The following MOB3B variants were observed in gnomAD, a reference collection of about 807,000 sequenced individuals.
MOB3B encodes the protein MOB kinase activator-like 2B.
MOB3B carries 7 observed loss-of-function variants against 18.7 expected under a neutral mutation model. That is an observed-to-expected ratio of 0.37 (90% CI 0.21 to 0.70). The LOEUF (loss-of-function observed/expected upper bound fraction) is 0.70, where lower values mean the gene tolerates loss of function less well. Ranked by LOEUF, MOB3B falls within the 30% of genes least tolerant of loss-of-function variation. The pLI is 0.52. For synonymous variants in MOB3B, 111 were observed against 99.9 expected (o/e 1.11, Z -0.66); for missense variants, 253 against 281.3 (o/e 0.90, Z 0.72).
intron 1 of MOB3B, among the ~76,000 whole-genome samples, chr9:27,465,778 G>A (rs1389202770): frequency 6.6e-6 from 1 of 152,176 alleles, no homozygotes; most frequent in Non-Finnish European, 1.5e-5. Flanking sequence ...CCAAGGCCTG[G>A]GGCTTCCACC....
intron 2 of MOB3B, among the ~76,000 whole-genome samples, chr9:27,420,537 T>C (rs1399052045): frequency 8.1e-6 from 1 of 123,790 alleles, no homozygotes; most frequent in Non-Finnish European, 1.7e-5. Flanking sequence ...ATATATTCCA[T>C]CTGTATATTC....
chr9:27,366,548 A>T lies in MOB3B; in HGVS notation c.419-7312T>A, dbSNP rs180702586. Among the ~76,000 whole-genome samples the T allele has an allele frequency of 2.0e-5, 3 of 152,096 alleles. No homozygotes were observed. The East Asian group carries it at 5.8e-4, about 29-fold the overall frequency. ...TGTTATGGAGGCCAAAAAAGGAAAA[A>T]CTCCTTTAGAATATGCAGAAATGCT... is the stretch of plus-strand genomic sequence containing the variant. On this transcript the variant is annotated intron_variant, in intron 2 of 3. Coordinates refer to ENST00000262244, the MANE Select transcript of MOB3B (RefSeq NM_024761.5).
intron 1 of MOB3B, among the ~76,000 whole-genome samples, chr9:27,491,080 T>C (rs1819810041): frequency 6.6e-6 from 1 of 151,974 alleles, no homozygotes; most frequent in African/African-American, 2.4e-5. Flanking sequence ...TCTCATACTT[T>C]AAAAAAATCC....
intron 2 of MOB3B, among the ~76,000 whole-genome samples, chr9:27,400,307 T>C (rs1024847162): frequency 1.3e-5 from 2 of 152,204 alleles, no homozygotes; most frequent in Non-Finnish European, 2.9e-5. Flanking sequence ...GGCCTCAACC[T>C]ACCCTTATTC....
At chr9:27,417,847 G>A (rs1344028299) in intron 2 of MOB3B, among the ~76,000 whole-genome samples, 1 of 152,072 alleles carries the variant, frequency 6.6e-6, no homozygotes, top group Non-Finnish European at 1.5e-5. Context: ...TGGATCACAA[G>A]GCCAAGAGAT....
chr9:27,377,905 G>T (rs1821515175), intron 2 of MOB3B, among the ~76,000 whole-genome samples: 1 of 152,212 alleles, frequency 6.6e-6, no homozygotes, highest in Admixed American at 6.5e-5. Context: ...GGGTTGAAGG[G>T]CAGGGTGATG....
intron 2 of MOB3B, among the ~76,000 whole-genome samples, chr9:27,426,326 C>T (rs4879485): frequency 0.59 from 88,951 of 152,016 alleles, 26,616 homozygotes; most frequent in African/African-American, 0.67. Flanking sequence ...AGGGGTTATA[C>T]GTTTTGTTTT....
chr9:27,348,703 G>A (rs920627435), intron 3 of MOB3B, among the ~76,000 whole-genome samples: 1 of 152,006 alleles, frequency 6.6e-6, no homozygotes, highest in African/African-American at 2.4e-5. Flanking sequence ...TTTTCCTTTA[G>A]TGTGGGCTGG....
At chr9:27,483,125 CTT>C (rs71492747) in intron 1 of MOB3B, among the ~76,000 whole-genome samples, 34 of 68,586 alleles carry the variant, frequency 5.0e-4, no homozygotes, top group African/African-American at 2.1e-3. Flanking sequence ...ATATACGGTA[CTT>C]TTTTTTTTTT....
At chr9:27,397,284 G>A (rs1384536869) in intron 2 of MOB3B, 4 of 150,556 alleles carry the variant, frequency 2.7e-5, no homozygotes, top group Non-Finnish European at 5.9e-5. Context: ...ACGATTATGA[G>A]TTTTACAGAA....
chr9:27,335,756 T>C (rs1308325443), intron 3 of MOB3B, among the ~76,000 whole-genome samples: 5 of 152,178 alleles, frequency 3.3e-5, no homozygotes, highest in Admixed American at 1.3e-4. Context: ...TAGGGACACA[T>C]TCTTCTACCC....
chr9:27,388,539 T>G (rs1191910948), intron 2 of MOB3B, among the ~76,000 whole-genome samples: 3 of 152,146 alleles, frequency 2.0e-5, no homozygotes, highest in Admixed American at 1.3e-4. Context: ...AGCAGTGATT[T>G]CTGAGATTTT....
intron 3 of MOB3B, among the ~76,000 whole-genome samples, chr9:27,340,279 C>T (rs958500982): frequency 3.3e-5 from 5 of 152,202 alleles, no homozygotes; most frequent in African/African-American, 7.2e-5. Flanking sequence ...CACACACACT[C>T]GCCACCCACG....
At chr9:27,361,523 T>A (rs1330454152) in intron 2 of MOB3B, among the ~76,000 whole-genome samples, 1 of 152,218 alleles carries the variant, frequency 6.6e-6, no homozygotes, top group Non-Finnish European at 1.5e-5. Context: ...AACGAGAGTA[T>A]GTTAGCTTTC....
chr9:27,517,398 T>A (rs1457162828), intron 1 of MOB3B, among the ~76,000 whole-genome samples: 2 of 152,116 alleles, frequency 1.3e-5, no homozygotes, highest in Admixed American at 1.3e-4. Context: ...ACACCTGTAA[T>A]TCCAGCACTT....
At chr9:27,424,798 T>C (rs552950073) in intron 2 of MOB3B, among the ~76,000 whole-genome samples, 1 of 152,266 alleles carries the variant, frequency 6.6e-6, no homozygotes, top group African/African-American at 2.4e-5. Context: ...TTGCCACAGA[T>C]TAGAACACAA....
chr9:27,360,613 A>G (rs930366830), intron 2 of MOB3B, among the ~76,000 whole-genome samples: 4 of 152,218 alleles, frequency 2.6e-5, no homozygotes, highest in Non-Finnish European at 4.4e-5. Flanking sequence ...TGCACGGCAC[A>G]TGCCCCAAGT....
At chr9:27,392,555 AC>A (rs1821741230) in intron 2 of MOB3B, among the ~76,000 whole-genome samples, 1 of 152,084 alleles carries the variant, frequency 6.6e-6, no homozygotes, top group Non-Finnish European at 1.5e-5. Context: ...TTTTTGCACC[AC>A]AAAAGAAAAA....
At chr9:27,480,715 G>A (rs1431481980) in intron 1 of MOB3B, among the ~76,000 whole-genome samples, 1 of 152,132 alleles carries the variant, frequency 6.6e-6, no homozygotes, top group Non-Finnish European at 1.5e-5. Flanking sequence ...ACAGGCGTGA[G>A]CCACCGTGCC....
Sources: gnomAD v4.1 joint callset for allele counts (sites outside exome capture counted in the v4.1 genomes callset) on GRCh38, gnomAD v4.1.1 for gene constraint, MANE v1.5 for transcripts, NCBI Gene and HGNC (gene_info 2026-07-23, HGNC 2026-07-21) for gene names.